The following MED12L variants were observed in gnomAD, a reference collection of about 807,000 sequenced individuals.
The protein encoded by MED12L is mediator complex subunit 12L.
MED12L carries 60 observed loss-of-function variants against 281.3 expected under a neutral mutation model. The ratio of observed to expected loss-of-function variants is 0.21; its 90% CI spans 0.17 to 0.26. The LOEUF (loss-of-function observed/expected upper bound fraction) is 0.26. Ranked by LOEUF, MED12L falls within the 10% of genes least tolerant of loss-of-function variation. The pLI is 1.00. For synonymous variants in MED12L, 974 were observed against 987.2 expected (o/e 0.99, Z 0.25); for missense variants, 2,146 against 2,680.9 (o/e 0.80, Z 4.41).
rs1288898559 is a variant in MED12L at position 151,432,842 on chromosome 3, A to G, written c.*38A>G. On this transcript the variant is annotated 3_prime_UTR_variant, in exon 45 of 45. Transcript: ENST00000687756. ...AGAAGACATGACGTTTTATGTTTGC[A>G]CTGAAAAACAGAAAATCAAATTTAA... The G allele has an allele frequency of 2.6e-6, 4 of 1,527,938 alleles. No homozygotes were observed. Among genetic ancestry groups the G allele is most frequent in the Non-Finnish European group, 3.6e-6 (4 of 1,112,176 alleles). The allele number at this position is 1,527,938 out of a possible 1,614,324, so 94.6% of individuals were successfully genotyped here.
chr3:151,338,548 T>C (rs752345228), intron 16 of MED12L: 1 of 1,613,968 alleles, frequency 6.2e-7, no homozygotes, highest in Non-Finnish European at 8.5e-7. Flanking sequence ...ATGACGGAGG[T>C]AACTTGACAC....
At chr3:151,184,694 T>C (rs765083732) in intron 11 of MED12L, among the ~76,000 whole-genome samples, 2 of 152,202 alleles carry the variant, frequency 1.3e-5, no homozygotes, top group Non-Finnish European at 2.9e-5. Context: ...CTGGTCACCA[T>C]GCTGAGCCCT....
At chr3:151,261,777 T>C (rs1195018252) in intron 16 of MED12L, among the ~76,000 whole-genome samples, 9 of 152,156 alleles carry the variant, frequency 5.9e-5, no homozygotes, top group Non-Finnish European at 2.9e-5. Flanking sequence ...CAGGCCACAG[T>C]GCAGTGGTAT....
intron 4 of MED12L, among the ~76,000 whole-genome samples, chr3:151,126,348 T>A (rs1489249428): frequency 6.6e-6 from 1 of 152,200 alleles, no homozygotes; most frequent in African/African-American, 2.4e-5. Flanking sequence ...AGGGCCTATA[T>A]GCTGCATCTT....
intron 11 of MED12L, among the ~76,000 whole-genome samples, chr3:151,183,207 A>G (rs1178109942): frequency 6.6e-6 from 1 of 152,186 alleles, no homozygotes; most frequent in East Asian, 1.9e-4. Flanking sequence ...ATAAAACCCT[A>G]GTTAACAGTG....
intron 37 of MED12L, among the ~76,000 whole-genome samples, chr3:151,389,275 G>A (rs1448987642): frequency 1.3e-5 from 2 of 152,292 alleles, no homozygotes; most frequent in South Asian, 2.1e-4. Context: ...TGCTCCCCAG[G>A]TCAGTCTGGT....
chr3:151,180,055 T>C (rs1722531463), intron 11 of MED12L, among the ~76,000 whole-genome samples: 1 of 152,202 alleles, frequency 6.6e-6, no homozygotes, highest in South Asian at 2.1e-4. Context: ...TTGGAAAATA[T>C]TTATTGGTTA....
Position 151,350,143 on chromosome 3 carries a change from C to T in MED12L, c.2335C>T (p.Leu779=). The T allele has an allele frequency of 6.2e-7, 1 of 1,613,580 alleles. No individual in the cohort carries two copies. Among genetic ancestry groups the T allele is most frequent in the Non-Finnish European group, 8.5e-7 (1 of 1,179,684 alleles). The change falls in exon 17 of 45, where the codon CTG becomes TTG. Residue 779 remains leucine, a synonymous_variant. Coordinates refer to ENST00000687756, the MANE Select transcript of MED12L (RefSeq NM_001393769.1). ...GKERDEARHQ[L]KKITKDILKI... ...AGAGCGTGATGAAGCAAGGCATCAGCTGAAGAAGATTACCAAAGATATCCT... is the reference window on the plus strand; with the variant it reads ...AGAGCGTGATGAAGCAAGGCATCAGTTGAAGAAGATTACCAAAGATATCCT...
intron 43 of MED12L, among the ~76,000 whole-genome samples, chr3:151,418,176 CCCA>C (rs1258909148): frequency 6.6e-6 from 1 of 152,190 alleles, no homozygotes; most frequent in Non-Finnish European, 1.5e-5. Context: ...TTTCACTCCC[CCCA>C]CCTACTGCCA....
intron 39 of MED12L, among the ~76,000 whole-genome samples, chr3:151,400,567 G>A (rs1185503233): frequency 6.6e-6 from 1 of 152,182 alleles, no homozygotes; most frequent in African/African-American, 2.4e-5. Context: ...CCCATCATTT[G>A]TGTATCCAAA....
chr3:151,253,780 CT>C (rs201085441), intron 16 of MED12L, among the ~76,000 whole-genome samples: 1,886 of 152,238 alleles, frequency 0.012, 23 homozygotes, highest in East Asian at 0.056. Flanking sequence ...TATTGCCAGG[CT>C]GTCCAGGATT....
rs530823391 is a variant in MED12L, at chr3:151,107,516, G to A, written c.100-8822G>A. Among the ~76,000 whole-genome samples the A allele has an allele frequency of 3.9e-5, 6 of 152,252 alleles. No homozygotes were observed. In the East Asian group the frequency reaches 9.6e-4, roughly 24 times the overall value. ...ATTATTTGTTAATCGAATGAAGGAC[G>A]GGGAGCAGGCCTTGAGTTGTGGCTT... On this transcript the variant is annotated intron_variant, in intron 2 of 44. Coordinates refer to ENST00000687756, the MANE Select transcript of MED12L (RefSeq NM_001393769.1).
intron 11 of MED12L, among the ~76,000 whole-genome samples, chr3:151,178,157 CAAAAAAAAAAAAA>C (rs10572929): frequency 1.0e-4 from 5 of 49,124 alleles, no homozygotes; most frequent in East Asian, 1.3e-3. Flanking sequence ...GACTTGGTCT[CAAAAAAAAAAAAA>C]AAAAAAAAAA....
chr3:151,327,734 T>TAA (rs63497161), intron 16 of MED12L: 13,000 of 251,422 alleles, frequency 0.052, 297 homozygotes, highest in East Asian at 0.094. Context: ...CTCTTGAAAT[T>TAA]AAAAAAAAAA....
chr3:151,095,458 C>G (rs1720589038), intron 2 of MED12L, among the ~76,000 whole-genome samples: 1 of 152,190 alleles, frequency 6.6e-6, no homozygotes, highest in Non-Finnish European at 1.5e-5. Flanking sequence ...CTGCCTCAGC[C>G]CCCCGAGTAA....
chr3:151,149,567 G>T (rs551793246), intron 5 of MED12L, among the ~76,000 whole-genome samples: 1 of 152,272 alleles, frequency 6.6e-6, no homozygotes, highest in South Asian at 2.1e-4. Flanking sequence ...CTAGGTGGTG[G>T]CTGCTGGAGG....
chr3:151,169,448 G>T (rs1325529874), intron 11 of MED12L, among the ~76,000 whole-genome samples: 1 of 152,006 alleles, frequency 6.6e-6, no homozygotes, highest in African/African-American at 2.4e-5. Flanking sequence ...GAGTCACTTT[G>T]CGTATTTCTG....
chr3:151,203,374 T>A (rs1264025456), intron 16 of MED12L, among the ~76,000 whole-genome samples: 2 of 152,058 alleles, frequency 1.3e-5, no homozygotes, highest in African/African-American at 2.4e-5. Flanking sequence ...TTATTTGTCA[T>A]ATTTTTTAGA....
chr3:151,282,364 T>TTTTTG (rs1553767952), intron 16 of MED12L, among the ~76,000 whole-genome samples: 1 of 150,566 alleles, frequency 6.6e-6, no homozygotes, highest in Non-Finnish European at 1.5e-5. Flanking sequence ...TTTTGTTTTT[T>TTTTTG]TTTGTTTGTT....
Sources: allele counts gnomAD v4.1 joint callset (sites outside exome capture counted in the v4.1 genomes callset), GRCh38; gene constraint gnomAD v4.1.1; transcripts MANE v1.5; gene names NCBI Gene and HGNC (gene_info 2026-07-23, HGNC 2026-07-21).